The following XIRP2 variants were observed in gnomAD, a reference collection of about 807,000 sequenced individuals.
XIRP2 encodes xin actin-binding repeat-containing protein 2.
A neutral mutation model predicts 277.0 loss-of-function variants in XIRP2; 236 were observed. The ratio of observed to expected loss-of-function variants is 0.85; its 90% confidence interval spans 0.77 to 0.95. XIRP2 has a LOEUF of 0.95. Among genes scored for constraint, XIRP2 ranks in the 40% least tolerant of loss-of-function variants. XIRP2 has a pLI of 0.00. For synonymous variants in XIRP2, 1,490 were observed against 1,416.5 expected (o/e 1.05, Z -1.17); for missense variants, 4,640 against 4,157.5 (o/e 1.12, Z -3.19).
At chr2:167,180,064 C>T (rs1019321079) in intron 3 of XIRP2, among the ~76,000 whole-genome samples, 2 of 152,178 alleles carry the variant, frequency 1.3e-5, no homozygotes, top group South Asian at 2.1e-4. Flanking sequence ...AACAAACAAA[C>T]TTGAAACACC....
At chr2:166,934,212 A>C (rs1008427198) in intron 2 of XIRP2, among the ~76,000 whole-genome samples, 5 of 151,072 alleles carry the variant, frequency 3.3e-5, no homozygotes, top group African/African-American at 9.8e-5. Context: ...AAAAAAAAAA[A>C]AACAAAACTA....
chr2:167,072,683 G>T (rs575472816), intron 2 of XIRP2, among the ~76,000 whole-genome samples: 25 of 152,208 alleles, frequency 1.6e-4, no homozygotes, highest in African/African-American at 5.5e-4. Flanking sequence ...ATTCAACAAT[G>T]ACTTGTACAT....
chr2:166,902,446 T>A (rs1398084014), intron 1 of XIRP2, among the ~76,000 whole-genome samples: 7 of 152,200 alleles, frequency 4.6e-5, no homozygotes, highest in Admixed American at 3.3e-4. Flanking sequence ...AGCCTTCATC[T>A]GATGTATTGT....
chr2:167,072,024 C>T (rs938983157), intron 2 of XIRP2, among the ~76,000 whole-genome samples: 3 of 152,036 alleles, frequency 2.0e-5, no homozygotes, highest in South Asian at 2.1e-4. Context: ...CTCTGGTATG[C>T]CAAACATAAA....
At chr2:167,148,998 G>A (rs1467283708) in intron 3 of XIRP2, among the ~76,000 whole-genome samples, 1 of 152,070 alleles carries the variant, frequency 6.6e-6, no homozygotes, top group African/African-American at 2.4e-5. Context: ...GCTCATCTAG[G>A]ATGGGAAGCT....
At chr2:167,208,559 C>T (rs559214047) in intron 3 of XIRP2, among the ~76,000 whole-genome samples, 1 of 152,170 alleles carries the variant, frequency 6.6e-6, no homozygotes, top group Non-Finnish European at 1.5e-5. Flanking sequence ...CTGCCCGTCT[C>T]GGCCTCCCAG....
chr2:167,084,871 G>C (rs1412974958), intron 2 of XIRP2, among the ~76,000 whole-genome samples: 1 of 151,320 alleles, frequency 6.6e-6, no homozygotes, highest in South Asian at 2.1e-4. Context: ...TATCACTTTT[G>C]TTGATCCTTT....
chr2:167,035,884 C>T (rs938707295), intron 2 of XIRP2, among the ~76,000 whole-genome samples: 8 of 152,184 alleles, frequency 5.3e-5, no homozygotes, highest in Non-Finnish European at 1.0e-4. Context: ...GGACTTGATG[C>T]CCTCTGTCCC....
chr2:167,017,440 CA>C (rs1687862498), intron 2 of XIRP2, among the ~76,000 whole-genome samples: 1 of 152,130 alleles, frequency 6.6e-6, no homozygotes, highest in East Asian at 1.9e-4. Context: ...TCCTCACACT[CA>C]TCAGTCAGTT....
intron 2 of XIRP2, among the ~76,000 whole-genome samples, chr2:166,906,512 GTGTATA>G (rs1034664724): frequency 6.6e-6 from 1 of 152,032 alleles, no homozygotes; most frequent in Non-Finnish European, 1.5e-5. Context: ...TATAATGTAT[GTGTATA>G]TGTATATGTA....
chr2:167,007,420 A>T (rs1422178341), intron 2 of XIRP2, among the ~76,000 whole-genome samples: 2 of 151,704 alleles, frequency 1.3e-5, no homozygotes, highest in African/African-American at 2.4e-5. Context: ...TTAATTTAGG[A>T]TATCTCAGAA....
Position 167,258,256 on chromosome 2 carries a change from G to GT in XIRP2, c.*439_*440insT. On this transcript the variant is annotated 3_prime_UTR_variant, in exon 11 of 11. Coordinates refer to ENST00000409195, the MANE Select transcript of XIRP2 (RefSeq NM_152381.6). ...AGTGGCCACCTGAAATGACAACCCT[G>GT]CTATCCCCTGAATTTAAAAGTGAAT... 2 of 1,613,232 alleles carry GT rather than the reference G, an allele frequency of 1.2e-6. No homozygotes were observed. Among genetic ancestry groups the GT allele is most frequent in the Non-Finnish European group, 1.7e-6 (2 of 1,179,618 alleles).
At position 167,243,476 on chromosome 2, in the gene XIRP2, T is replaced by C; in HGVS notation, c.2084T>C (p.Met695Thr). ...GGGGATGTCAAGACTGTGAGATACATGTTTGAAACTCAACATCTAGATCAA... is the reference window on the plus strand; with the variant it reads ...GGGGATGTCAAGACTGTGAGATACACGTTTGAAACTCAACATCTAGATCAA... Reference protein sequence around the residue: ...TGGDVKTVRYMFETQHLDQLG... With the variant: ...TGGDVKTVRYTFETQHLDQLG... The change falls in exon 9 of 11, where the codon ATG becomes ACG. Residue 695 changes from methionine to threonine, a missense_variant. Physicochemically the swap from Met to Thr is moderately conservative, Grantham distance 81. Transcript: ENST00000409195. 6.2e-7 allele frequency: 1 copy of C among 1,614,122 alleles called. No individual in the cohort carries two copies. The highest frequency in any genetic ancestry group is 1.1e-5 in the South Asian group (1 of 91,080).
intron 2 of XIRP2, among the ~76,000 whole-genome samples, chr2:166,995,783 G>T (rs1013499617): frequency 6.6e-6 from 1 of 152,172 alleles, no homozygotes; most frequent in South Asian, 2.1e-4. Flanking sequence ...GGAGATTATA[G>T]GAAAATTCCT....
chr2:167,032,322 A>G (rs988019872), intron 2 of XIRP2, among the ~76,000 whole-genome samples: 3 of 152,022 alleles, frequency 2.0e-5, no homozygotes, highest in Non-Finnish European at 1.5e-5. Context: ...AGACTTAAAC[A>G]TAAGACCTAA....
At chr2:167,203,567 A>T (rs988856206) in intron 3 of XIRP2, among the ~76,000 whole-genome samples, 13 of 152,080 alleles carry the variant, frequency 8.5e-5, no homozygotes, top group African/African-American at 3.1e-4. Context: ...GCTTACTTCC[A>T]CTCATTTTTA....
chr2:167,189,940 A>T lies in XIRP2; in HGVS notation c.563-20795A>T, dbSNP rs1214046310. Among the ~76,000 whole-genome samples, 3 of 152,290 alleles carry T rather than the reference A, an allele frequency of 2.0e-5. 1 individual carries two copies. The highest frequency in any genetic ancestry group is 6.8e-3 in the Middle Eastern group (2 of 294). ...AATCTTTCTGCCAACCTGACTAGTGATTAAGGGGTCCCCACAACTCCCTCC... is the reference window on the plus strand; with the variant it reads ...AATCTTTCTGCCAACCTGACTAGTGTTTAAGGGGTCCCCACAACTCCCTCC... On this transcript the variant is annotated intron_variant, in intron 3 of 10. Transcript: ENST00000409195.
chr2:167,133,379 GA>G (rs1437401839), intron 2 of XIRP2, among the ~76,000 whole-genome samples: 1 of 152,134 alleles, frequency 6.6e-6, no homozygotes, highest in Non-Finnish European at 1.5e-5. Context: ...GCTTGCCTCA[GA>G]ATGACTTTGA....
chr2:167,190,354 C>T (rs1012795167), intron 3 of XIRP2, among the ~76,000 whole-genome samples: 1 of 152,088 alleles, frequency 6.6e-6, no homozygotes, highest in Admixed American at 6.6e-5. Context: ...TGGCAACCAG[C>T]CCCTATCCTG....
Sources: allele counts gnomAD v4.1 joint callset (sites outside exome capture counted in the v4.1 genomes callset), GRCh38; gene constraint gnomAD v4.1.1; transcripts MANE v1.5; gene names NCBI Gene and HGNC (gene_info 2026-07-23, HGNC 2026-07-21).